The following GABRA3 variants were observed in gnomAD, a reference collection of about 807,000 sequenced individuals.
The protein encoded by GABRA3 is gamma-aminobutyric acid type A receptor subunit alpha3.
A neutral mutation model predicts 30.1 loss-of-function variants in GABRA3; 10 were observed. The observed-to-expected ratio is 0.33, with a 90% confidence interval of 0.20 to 0.56. GABRA3 has a LOEUF of 0.56. Ranked by LOEUF, GABRA3 falls within the 20% of genes least tolerant of loss-of-function variation. The pLI, the probability that GABRA3 is intolerant of heterozygous loss-of-function variation, is 0.89. For synonymous variants in GABRA3, 151 were observed against 146.8 expected, an observed-to-expected ratio of 1.03 and a Z score of -0.21; for missense variants, 233 against 392.0, an observed-to-expected ratio of 0.59 and a Z score of 3.42.
intron 4 of GABRA3, among the ~76,000 whole-genome samples, chrX:152,282,445 G>A (rs1017768695): frequency 1.8e-5 from 2 of 111,520 alleles, no homozygotes; most frequent in Admixed American, 9.5e-5. Flanking sequence ...CAAAACACCC[G>A]AAATATGCTT....
chrX:152,361,004 G>A (rs1428324081), intron 2 of GABRA3, among the ~76,000 whole-genome samples: 1 of 105,754 alleles, frequency 9.5e-6, no homozygotes, highest in Non-Finnish European at 1.9e-5. Flanking sequence ...GATCATGTGA[G>A]CCCAGGAGTT....
At position 152,364,533 on chromosome X, in the gene GABRA3, C is replaced by CTGG. The variant is rs1928601948; in HGVS notation, c.35_37dup (p.Thr12dup). The stretch of plus-strand genomic sequence containing the variant: ...ATTAATCAGGAAAAGAATCCCAAGG[C>CTGG]TGGTCATGTAACAGTGACTTGTTTG... On this transcript the variant is annotated inframe_insertion, in exon 2 of 10. Coordinates refer to ENST00000370314, the MANE Select transcript of GABRA3 (RefSeq NM_000808.4). 8.3e-7 allele frequency: 1 copy of CTGG among 1,209,167 alleles called. No individual in the cohort carries two copies. The highest frequency in any genetic ancestry group is 1.8e-5 in the South Asian group (1 of 56,720).
chrX:152,227,219 C>T (rs1319651334), intron 5 of GABRA3, among the ~76,000 whole-genome samples: 17 of 108,273 alleles, frequency 1.6e-4, no homozygotes, highest in African/African-American at 5.7e-4. Flanking sequence ...ATGATGAGTT[C>T]ATTTCCTTTG....
chrX:152,302,867 C>T (rs749708116), intron 3 of GABRA3, among the ~76,000 whole-genome samples: 1 of 111,536 alleles, frequency 9.0e-6, no homozygotes, highest in Admixed American at 9.5e-5. Context: ...TCACTTAGGA[C>T]GATGGCCTCC....
intron 1 of GABRA3, 109 bp downstream of exon 1, chrX:152,451,037 C>T (rs1172241331): frequency 8.9e-6 from 1 of 112,951 alleles, no homozygotes; most frequent in Non-Finnish European, 1.9e-5. Context: ...CAGAGCATGC[C>T]TCGCCTCCCG....
At chrX:152,192,526 ATAT>A (rs1020573890) in intron 8 of GABRA3, among the ~76,000 whole-genome samples, 3 of 110,812 alleles carry the variant, frequency 2.7e-5, no homozygotes, top group Non-Finnish European at 3.8e-5. Flanking sequence ...ATTATTAAAT[ATAT>A]TATTATTATT....
chrX:152,353,363 AATTTAAAATGTGTCAT>A (rs1276035371), intron 2 of GABRA3, among the ~76,000 whole-genome samples: 2 of 112,106 alleles, frequency 1.8e-5, no homozygotes, highest in African/African-American at 6.5e-5. Flanking sequence ...GACATATCGC[AATTTAAAATGTGTCAT>A]GAACCAAAGT....
Position 152,405,292 on chromosome X carries a change from C to T in GABRA3, c.-26-40696G>A, listed in dbSNP as rs181445949. ...TACACCAGCCCAAGGCCAGAGGGTA[C>T]TTACGCACCCTTGCAAAAAAAAAAA... On this transcript the variant is annotated intron_variant, in intron 1 of 9. Transcript: ENST00000370314. 7.2e-3 allele frequency among the ~76,000 whole-genome samples: 603 copies of T among 84,064 alleles called. 10 individuals are homozygous for T. The highest frequency in any genetic ancestry group is 0.031 in the African/African-American group (574 of 18,765). The allele number at this position is 84,064 out of a possible 115,157, so 73.0% of individuals were successfully genotyped here.
At chrX:152,266,774 T>C (rs1323728321) in intron 4 of GABRA3, among the ~76,000 whole-genome samples, 1 of 111,316 alleles carries the variant, frequency 9.0e-6, no homozygotes, top group Admixed American at 9.5e-5. Context: ...ATTTTTTTAT[T>C]TGTTTACACT....
intron 9 of GABRA3, among the ~76,000 whole-genome samples, chrX:152,176,676 G>C (rs1014717676): frequency 6.3e-5 from 7 of 111,364 alleles, no homozygotes; most frequent in African/African-American, 2.0e-4. Flanking sequence ...TTGGATATGA[G>C]AATTACATTT....
At chrX:152,449,166 T>C (rs920331683) in intron 1 of GABRA3, among the ~76,000 whole-genome samples, 1 of 112,111 alleles carries the variant, frequency 8.9e-6, no homozygotes, top group African/African-American at 3.2e-5. Flanking sequence ...TTGTTCCAGA[T>C]AGTCCCAAAG....
At chrX:152,244,802 A>G (rs1938436504) in intron 5 of GABRA3, among the ~76,000 whole-genome samples, 1 of 111,615 alleles carries the variant, frequency 9.0e-6, no homozygotes, top group South Asian at 3.8e-4. Context: ...ATATTTGTAT[A>G]CTTTAAAATA....
chrX:152,179,887 A>T, intron 9 of GABRA3, among the ~76,000 whole-genome samples: 1 of 111,760 alleles, frequency 8.9e-6, no homozygotes, highest in South Asian at 3.7e-4. Context: ...TATGTAAATG[A>T]CAGGGTTTCC....
At chrX:152,271,950 G>A (rs963191450) in intron 4 of GABRA3, among the ~76,000 whole-genome samples, 1 of 112,197 alleles carries the variant, frequency 8.9e-6, no homozygotes, top group Admixed American at 9.4e-5. Context: ...GGGAACCTCT[G>A]TCTAGATTTC....
intron 1 of GABRA3, among the ~76,000 whole-genome samples, chrX:152,439,553 T>C (rs1301457035): frequency 8.9e-6 from 1 of 111,797 alleles, no homozygotes; most frequent in African/African-American, 3.3e-5. Flanking sequence ...TGACAATTTC[T>C]TATAAAGTTA....
intron 1 of GABRA3, among the ~76,000 whole-genome samples, chrX:152,390,466 A>T (rs1603253025): frequency 8.8e-6 from 1 of 113,012 alleles, no homozygotes; most frequent in African/African-American, 3.2e-5. Flanking sequence ...TGCACATACA[A>T]GTATGTTTGA....
intron 3 of GABRA3, among the ~76,000 whole-genome samples, chrX:152,343,198 C>A (rs959838190): frequency 9.0e-6 from 1 of 111,384 alleles, no homozygotes. Context: ...GTCCACCAGA[C>A]GCTATCTGGG....
intron 2 of GABRA3, among the ~76,000 whole-genome samples, chrX:152,352,806 C>T (rs562476918): frequency 9.0e-5 from 10 of 111,498 alleles, no homozygotes; most frequent in African/African-American, 3.3e-4. Flanking sequence ...ACAATCATGG[C>T]CTTCTGCAAT....
chrX:152,373,285 C>T (rs887335313), intron 1 of GABRA3, among the ~76,000 whole-genome samples: 4 of 111,502 alleles, frequency 3.6e-5, no homozygotes, highest in African/African-American at 1.3e-4. Flanking sequence ...CTCTTCTTCC[C>T]CCAACCCACT....
Sources: gnomAD v4.1 joint callset for allele counts (sites outside exome capture counted in the v4.1 genomes callset) on GRCh38, gnomAD v4.1.1 for gene constraint, MANE v1.5 for transcripts, NCBI Gene and HGNC (gene_info 2026-07-23, HGNC 2026-07-21) for gene names.